Variants in FBXO2 observed in about 807,000 individuals in gnomAD.
The protein encoded by FBXO2 is F-box protein 2.
In FBXO2, 32 loss-of-function variants were observed where a neutral mutation model predicts 38.6. That is an observed-to-expected ratio of 0.83 (90% CI 0.62 to 1.11). The LOEUF is 1.11. FBXO2 is among the 50% of genes most tolerant of loss of function. The pLI, the probability that FBXO2 is intolerant of heterozygous loss-of-function variation, is 0.00. For missense variants in FBXO2, 450 were observed against 418.3 expected, an observed-to-expected ratio of 1.08 and a Z score of -0.66; for synonymous variants, 189 against 182.9, an observed-to-expected ratio of 1.03 and a Z score of -0.27.
intron 4 of FBXO2, 97 bp downstream of exon 4, chr1:11,649,682 G>T: frequency 1.5e-6 from 2 of 1,309,456 alleles, no homozygotes; most frequent in Non-Finnish European, 2.2e-6. Flanking sequence ...CCCTGCAGTG[G>T]GGAGGCAGCA....
rs777934203 is a variant in FBXO2 at position 11,648,769 on chromosome 1, C to T, written c.816G>A (p.Gly272=). 1.2e-6 allele frequency: 2 copies of T among 1,613,766 alleles called. No homozygotes were observed. Among genetic ancestry groups the T allele is most frequent in the African/African-American group, 1.3e-5 (1 of 75,074 alleles). ...PGVRFVRFEH[G]GQDSVYWKGW... ...CCTTCCAGTAGACGGAGTCCTGCCC[C>T]CCGTGCTCGAAGCGGACGAAGCGGA... Residue 272 remains glycine, a synonymous_variant, in exon 6 of 6, where the codon GGG becomes GGA. Coordinates refer to ENST00000354287, the MANE Select transcript of FBXO2 (RefSeq NM_012168.6). This position sits in a 1 kb window ranked among gnomAD's most constrained non-coding sequence, Gnocchi z 4.2.
At chr1:11,652,870 C>T (rs534722797) in intron 1 of FBXO2, among the ~76,000 whole-genome samples, 2 of 152,334 alleles carry the variant, frequency 1.3e-5, no homozygotes, top group South Asian at 4.1e-4. Context: ...TGAGAGCTTT[C>T]ACAGAGCCCA....
In FBXO2 at chr1:11,654,417, G is replaced by T. The variant is rs1285382883; in HGVS notation, c.-77C>A. 1.5e-6 allele frequency: 2 copies of T among 1,304,600 alleles called. No individual in the cohort carries two copies. Among genetic ancestry groups the T allele is most frequent in the Non-Finnish European group, 2.0e-6 (2 of 1,021,286 alleles). 80.8% of individuals were successfully genotyped at this position (1,304,600 alleles called of 1,614,324 possible). Reference sequence around the variant, plus strand: ...GAGTCCCGGGGCGGCGAGTCCCGGCGCTGTCCGCGTCTGTGTCGGTCCCGG... The same window carrying T: ...GAGTCCCGGGGCGGCGAGTCCCGGCTCTGTCCGCGTCTGTGTCGGTCCCGG... On this transcript the variant is annotated 5_prime_UTR_variant, in exon 1 of 6. Coordinates refer to ENST00000354287, the MANE Select transcript of FBXO2 (RefSeq NM_012168.6).
In FBXO2 at chr1:11,650,450, A is replaced by G. The variant is rs1639495473; in HGVS notation, c.391+16T>C. The G allele has an allele frequency of 6.2e-7, 1 of 1,603,530 alleles. No homozygotes were observed. Among genetic ancestry groups the G allele is most frequent in the Middle Eastern group, 1.7e-4 (1 of 6,034 alleles). Reference sequence around the variant, plus strand: ...GCAGCAGGGGAAGCTGAGCTCGCCCAGCGAGGGCCTCTCACCTTCCCCACA... The same window carrying G: ...GCAGCAGGGGAAGCTGAGCTCGCCCGGCGAGGGCCTCTCACCTTCCCCACA... On this transcript the variant is annotated intron_variant, in intron 2 of 5. Coordinates refer to ENST00000354287, the MANE Select transcript of FBXO2 (RefSeq NM_012168.6).
Position 11,648,972 on chromosome 1 carries a change from T to TCAGCCCAGCCCAGCTCAGCC in FBXO2, c.756+114_756+115insGGCTGAGCTGGGCTGGGCTG. Reference sequence around the variant, plus strand: ...CTCTCTCCACCACCCGGTGACTATCTCAGCCCAGCCCAGCCCAGCCCACCC... The same window carrying TCAGCCCAGCCCAGCTCAGCC: ...CTCTCTCCACCACCCGGTGACTATCTCAGCCCAGCCCAGCTCAGCCCAGCCCAGCCCAGCCCAGCCCACCC... On this transcript the variant is annotated intron_variant, in intron 5 of 5. Transcript: ENST00000354287. The surrounding 1 kb of genome is among the most constrained non-coding windows in gnomAD (Gnocchi z 4.2). The TCAGCCCAGCCCAGCTCAGCC allele has an allele frequency of 1.4e-6, 1 of 713,242 alleles. No individual in the cohort carries two copies. The highest frequency in any genetic ancestry group is 2.1e-6 in the Non-Finnish European group (1 of 475,536). The allele number at this position is 713,242 out of a possible 1,614,324, so 44.2% of individuals were successfully genotyped here. A position where few individuals can be genotyped will look rare whatever the true frequency, so the allele number is the denominator to read the frequency against.
chr1:11,648,487 C>T lies in FBXO2; in HGVS notation c.*207G>A, dbSNP rs1372832306. On this transcript the variant is annotated 3_prime_UTR_variant, in exon 6 of 6. Coordinates refer to ENST00000354287, the MANE Select transcript of FBXO2 (RefSeq NM_012168.6). The surrounding 1 kb of genome is among the most constrained non-coding windows in gnomAD (Gnocchi z 4.2). ...GGTCCAGTCCAAGCTCACGCCCTCA[C>T]GGATCTACATTCTAGAAGCCGGCTA... The T allele has an allele frequency of 2.2e-5, 14 of 650,162 alleles. No individual in the cohort carries two copies. Among genetic ancestry groups the T allele is most frequent in the East Asian group, 5.5e-5 (2 of 36,166 alleles). The allele number at this position is 650,162 out of a possible 1,614,324, so 40.3% of individuals were successfully genotyped here.
At chr1:11,649,270 G>T (rs1639473807) in intron 4 of FBXO2, 45 bp from the exon 5 acceptor site, 2 of 1,370,146 alleles carry the variant, frequency 1.5e-6, no homozygotes, top group African/African-American at 1.4e-5. Flanking sequence ...AGGTGGGGTG[G>T]GGGCATGGCC....
At chr1:11,653,185 C>G (rs1639563522) in intron 1 of FBXO2, among the ~76,000 whole-genome samples, 1 of 152,224 alleles carries the variant, frequency 6.6e-6, no homozygotes, top group South Asian at 2.1e-4. Flanking sequence ...TCCCTCCGGC[C>G]CTGGCCCCAT....
intron 2 of FBXO2, 77 bp downstream of exon 2, chr1:11,650,389 C>A: frequency 6.5e-7 from 1 of 1,529,850 alleles, no homozygotes; most frequent in Non-Finnish European, 8.8e-7. Flanking sequence ...TCCCATTTCT[C>A]CCTCAAAGCC....
rs1288268212 is a variant in FBXO2 at position 11,650,813 on chromosome 1, T to C, written c.44A>G (p.Glu15Gly). The change falls in exon 2 of 6, where the codon GAG becomes GGG. Residue 15 changes from glutamate (E) to glycine (G), a missense_variant. Coordinates refer to ENST00000354287, the MANE Select transcript of FBXO2 (RefSeq NM_012168.6). Reference sequence around the variant, plus strand: ...CTCTGGCTGCTCCTCCGGGCTTGCCTCCTCGGGCTGGCCCACGCTCTCTGC... The same window carrying C: ...CTCTGGCTGCTCCTCCGGGCTTGCCCCCTCGGGCTGGCCCACGCTCTCTGC... ...GDPESVGQPE[E>G]ASPEEQPEEA... 1 of 1,544,934 alleles carries C rather than the reference T, an allele frequency of 6.5e-7. No homozygotes were observed. Among genetic ancestry groups the C allele is most frequent in the Admixed American group, 1.9e-5 (1 of 53,618 alleles).
At chr1:11,653,217 A>G (rs1367942568) in intron 1 of FBXO2, among the ~76,000 whole-genome samples, 1 of 152,108 alleles carries the variant, frequency 6.6e-6, no homozygotes, top group Non-Finnish European at 1.5e-5. Context: ...TGCTCCCCGA[A>G]AGGTGCACCT....
At chr1:11,652,399 GT>G (rs1366056273) in intron 1 of FBXO2, among the ~76,000 whole-genome samples, 11 of 152,260 alleles carry the variant, frequency 7.2e-5, no homozygotes, top group African/African-American at 2.6e-4. Context: ...GTGGCCCTCA[GT>G]TTTCTCATCT....
intron 5 of FBXO2, 76 bp downstream of exon 5, chr1:11,649,011 C>T: frequency 9.3e-7 from 1 of 1,069,724 alleles, no homozygotes; most frequent in Non-Finnish European, 1.3e-6. Context: ...CCCAGGAGCG[C>T]TGTGGGCGGG....
intron 1 of FBXO2, among the ~76,000 whole-genome samples, chr1:11,651,704 C>CT (rs34148336): frequency 0.012 from 1,812 of 145,396 alleles, 19 homozygotes; most frequent in African/African-American, 0.017. Flanking sequence ...AGGATTTTGA[C>CT]TTTTTTTTTT....
rs1482135040 is a variant in FBXO2, at chr1:11,650,015, G to C, written c.451C>G (p.Leu151Val). 1.2e-6 allele frequency: 2 copies of C among 1,613,912 alleles called. No homozygotes were observed. Among genetic ancestry groups the C allele is most frequent in the Non-Finnish European group, 1.7e-6 (2 of 1,180,032 alleles). ...AACTCCACCCCACTGTCTCCAGGCA[G>C]CTCCTCCACCCTCCAGCCGTCCCCA... is the stretch of plus-strand genomic sequence containing the variant. ...HGGDGWRVEE[L>V]PGDSGVEFTH... Residue 151 changes from leucine to valine, a missense_variant, in exon 3 of 6, where the codon CTG becomes GTG. Leu to Val is a conservative substitution (Grantham distance 32). Transcript: ENST00000354287.
At chr1:11,652,525 G>A (rs956244406) in intron 1 of FBXO2, among the ~76,000 whole-genome samples, 6 of 152,204 alleles carry the variant, frequency 3.9e-5, no homozygotes, top group South Asian at 2.1e-4. Flanking sequence ...ATGTCACCGC[G>A]GCAGCCGGAC....
At chr1:11,651,338 C>A (rs1200084431) in intron 1 of FBXO2, among the ~76,000 whole-genome samples, 2 of 152,108 alleles carry the variant, frequency 1.3e-5, no homozygotes, top group Non-Finnish European at 2.9e-5. Flanking sequence ...CTTATAAGGG[C>A]CAGAACATGG....
intron 1 of FBXO2, 82 bp from the exon 2 acceptor site, chr1:11,650,916 C>G (rs1378921157): frequency 6.8e-7 from 1 of 1,481,086 alleles, no homozygotes; most frequent in Non-Finnish European, 8.9e-7. Context: ...TGCCCGTAAC[C>G]TCCCCCACCC....
In FBXO2 at chr1:11,649,878, G is replaced by A. The variant is rs763821921; in HGVS notation, c.522-4C>T. 3.7e-6 allele frequency: 6 copies of A among 1,614,018 alleles called. No homozygotes were observed. The highest frequency in any genetic ancestry group is 5.1e-6 in the Non-Finnish European group (6 of 1,180,016). On this transcript the variant is annotated splice_region_variant and splice_polypyrimidine_tract_variant and intron_variant, in intron 3 of 5. Transcript: ENST00000354287. ...GACCTGTGCTTTGCGACACCACCTG[G>A]GAGAACTGGAGTTAGGACAGAGCGA...
Sources: allele counts gnomAD v4.1 joint callset (sites outside exome capture counted in the v4.1 genomes callset), GRCh38; gene constraint gnomAD v4.1.1; non-coding constraint Gnocchi (gnomAD v3.1); transcripts MANE v1.5; gene names NCBI Gene and HGNC (gene_info 2026-07-23, HGNC 2026-07-21).